Variants in MYT1L observed in about 807,000 individuals in gnomAD.
MYT1L encodes the protein myelin transcription factor 1 like.
MYT1L carries 12 observed loss-of-function variants against 126.7 expected under a neutral mutation model. The observed-to-expected ratio is 0.09, with a 90% CI of 0.06 to 0.15. The LOEUF is 0.15. MYT1L is among the 10% of genes least tolerant of loss of function. The pLI is 1.00. For synonymous variants in MYT1L, 541 were observed against 604.2 expected (o/e 0.90, Z 1.53); for missense variants, 979 against 1,585.2 (o/e 0.62, Z 6.49).
chr2:2,092,031 T>C (rs772401891), intron 3 of MYT1L, among the ~76,000 whole-genome samples: 49 of 152,232 alleles, frequency 3.2e-4, no homozygotes, highest in Non-Finnish European at 5.7e-4. Flanking sequence ...TGGTTCCATT[T>C]ATTATTCTTA....
At chr2:1,936,478 C>T (rs1054473343) in intron 9 of MYT1L, among the ~76,000 whole-genome samples, 4 of 152,154 alleles carry the variant, frequency 2.6e-5, no homozygotes, top group Non-Finnish European at 5.9e-5. Context: ...AAAATGCCTC[C>T]GTGGATGCAG....
At chr2:2,002,947 C>T (rs1574397883) in intron 4 of MYT1L, among the ~76,000 whole-genome samples, 1 of 152,094 alleles carries the variant, frequency 6.6e-6, no homozygotes, top group East Asian at 1.9e-4. Flanking sequence ...TTGTAAGTTT[C>T]CTGAGCCCTC....
chr2:2,197,506 C>T (rs2092856057), intron 2 of MYT1L, among the ~76,000 whole-genome samples: 1 of 151,858 alleles, frequency 6.6e-6, no homozygotes, highest in African/African-American at 2.4e-5. Flanking sequence ...CACATGCATA[C>T]AACGAATGTG....
At chr2:1,953,857 CCA>C (rs2058104402) in intron 8 of MYT1L, among the ~76,000 whole-genome samples, 1 of 152,212 alleles carries the variant, frequency 6.6e-6, no homozygotes, top group Non-Finnish European at 1.5e-5. Context: ...GATAATGTTA[CCA>C]CAGAAGTATT....
chr2:2,253,198 G>A (rs533839629), intron 2 of MYT1L, among the ~76,000 whole-genome samples: 16 of 152,160 alleles, frequency 1.1e-4, no homozygotes, highest in South Asian at 2.1e-4. Context: ...CCTGTGAGCC[G>A]GAGCGGGCTC....
chr2:2,219,099 C>A (rs58789813), intron 2 of MYT1L, among the ~76,000 whole-genome samples: 1 of 152,076 alleles, frequency 6.6e-6, no homozygotes, highest in Non-Finnish European at 1.5e-5. Context: ...GTTGTCTCGC[C>A]GTCACATTGC....
intron 2 of MYT1L, among the ~76,000 whole-genome samples, chr2:2,225,161 A>C (rs1002334200): frequency 1.1e-4 from 16 of 151,062 alleles, no homozygotes; most frequent in African/African-American, 3.9e-4. Flanking sequence ...CCCAGCTGTG[A>C]GTGGCCACAG....
At chr2:1,916,669 T>C (rs985630799) in intron 11 of MYT1L, among the ~76,000 whole-genome samples, 4 of 152,230 alleles carry the variant, frequency 2.6e-5, no homozygotes, top group South Asian at 2.1e-4. Context: ...TCCTTCCTTA[T>C]TGAAGAACCT....
chr2:2,063,573 G>A (rs1413396850), intron 3 of MYT1L, among the ~76,000 whole-genome samples: 1 of 152,208 alleles, frequency 6.6e-6, no homozygotes, highest in African/African-American at 2.4e-5. Flanking sequence ...GCCAGGCGCA[G>A]CGGCTCACGC....
At chr2:2,283,108 G>A (rs963194770) in intron 2 of MYT1L, among the ~76,000 whole-genome samples, 1 of 152,116 alleles carries the variant, frequency 6.6e-6, no homozygotes, top group Non-Finnish European at 1.5e-5. Flanking sequence ...CATACAGAAA[G>A]ATACATACGA....
At chr2:2,189,411 A>C (rs2092431095) in intron 2 of MYT1L, among the ~76,000 whole-genome samples, 1 of 152,230 alleles carries the variant, frequency 6.6e-6, no homozygotes, top group Non-Finnish European at 1.5e-5. Context: ...CAACTTATGC[A>C]ATATGTTAAG....
rs73913045 is a variant in MYT1L at position 2,044,549 on chromosome 2, T to C, written c.-158+9429A>G. Among the ~76,000 whole-genome samples, 1,292 of 152,330 alleles carry C rather than the reference T, an allele frequency of 8.5e-3. 19 individuals are homozygous for C. Among genetic ancestry groups the C allele is most frequent in the African/African-American group, 0.026 (1,080 of 41,588 alleles). ...ACGGGCTTTTGAAAATGCTAGAGTC[T>C]CTCCTCTTAGATGCAGCCTGAGACA... On this transcript the variant is annotated intron_variant, in intron 4 of 24. Transcript: ENST00000647738.
chr2:1,892,868 T>C (rs1370241632), intron 14 of MYT1L, among the ~76,000 whole-genome samples: 1 of 152,234 alleles, frequency 6.6e-6, no homozygotes, highest in Non-Finnish European at 1.5e-5. Context: ...GGTGGATTTC[T>C]GGCTGGGCAT....
intron 5 of MYT1L, among the ~76,000 whole-genome samples, chr2:1,986,015 A>G (rs369135577): frequency 1.1e-4 from 17 of 152,340 alleles, no homozygotes; most frequent in African/African-American, 3.8e-4. Flanking sequence ...AGCCTTTTGA[A>G]TACAGGAAAA....
chr2:2,224,218 G>A lies in MYT1L; in HGVS notation c.-420-51230C>T, dbSNP rs138469763. 6.8e-4 allele frequency among the ~76,000 whole-genome samples: 104 copies of A among 152,266 alleles called. 1 individual carries two copies. The highest frequency in any genetic ancestry group is 6.4e-3 in the East Asian group (33 of 5,156). The stretch of plus-strand genomic sequence containing the variant: ...TTCTTATAGGGAAGAATTCTGTGAC[G>A]AGTTGGCCCCTCCTTGCCCATCTGA... On this transcript the variant is annotated intron_variant, in intron 2 of 24. Transcript: ENST00000647738. The surrounding 1 kb of genome is among the most constrained non-coding windows in gnomAD (Gnocchi z 4.0).
At position 2,028,315 on chromosome 2, in the gene MYT1L, T is replaced by C. The variant is rs147745750; in HGVS notation, c.-158+25663A>G. On this transcript the variant is annotated intron_variant, in intron 4 of 24. Coordinates refer to ENST00000647738, the MANE Select transcript of MYT1L (RefSeq NM_001303052.2). ...GTGGAAAGAGCAGGAGGCTGTGGGA[T>C]TGTGGGGTTCATGCCCAGGGACCTC... Among the ~76,000 whole-genome samples the C allele has an allele frequency of 1.2e-3, 186 of 152,226 alleles. 1 individual carries two copies. Among genetic ancestry groups the C allele is most frequent in the African/African-American group, 4.2e-3 (175 of 41,554 alleles).
rs78683162 is a variant in MYT1L at position 1,813,179 on chromosome 2, G to A, written c.3081-4012C>T. On this transcript the variant is annotated intron_variant, in intron 21 of 24. Coordinates refer to ENST00000647738, the MANE Select transcript of MYT1L (RefSeq NM_001303052.2). The stretch of plus-strand genomic sequence containing the variant: ...CATTGAGGGGCCAGGAGCTGCAGGT[G>A]GGGGGGAGAGAGGGAGGGCCACAAA... Among the ~76,000 whole-genome samples the A allele has an allele frequency of 5.3e-5, 8 of 152,234 alleles. No homozygotes were observed. The East Asian group carries it at 5.8e-4, about 11-fold the overall frequency.
intron 2 of MYT1L, among the ~76,000 whole-genome samples, chr2:2,194,603 CT>C (rs903043985): frequency 6.6e-6 from 1 of 152,082 alleles, no homozygotes; most frequent in Admixed American, 6.5e-5. Flanking sequence ...TGTCCTGCTC[CT>C]TTTTTCAGAA....
Position 1,903,247 on chromosome 2 carries a change from C to A in MYT1L, c.1865G>T (p.Arg622Ile), listed in dbSNP as rs777117991. The change falls in exon 14 of 25, where the codon AGA (arginine) becomes ATA (isoleucine). Residue 622 changes from arginine to isoleucine, a missense_variant. Arg to Ile is a moderately conservative substitution (Grantham distance 97). This residue lies in a region of MYT1L where 82 missense variants were observed against 177.2 expected (regional missense o/e 0.46). Transcript: ENST00000647738. ...KQLEIPQYGY[R>I]NNVPTTTPRS... ...CGGCGTAGTTGTGGGGACATTGTTT[C>A]TGTAGCCATACTGAGGAATCTCCAG... 6.2e-7 allele frequency: 1 copy of A among 1,613,856 alleles called. No homozygotes were observed. The highest frequency in any genetic ancestry group is 2.2e-5 in the East Asian group (1 of 44,876).
Sources: allele counts gnomAD v4.1 joint callset (sites outside exome capture counted in the v4.1 genomes callset), GRCh38; gene constraint gnomAD v4.1.1; regional missense constraint gnomAD v4.1.1; non-coding constraint Gnocchi (gnomAD v3.1); transcripts MANE v1.5; gene names NCBI Gene and HGNC (gene_info 2026-07-23, HGNC 2026-07-21).